P4HA3: variants seen among roughly 807,000 people sequenced by gnomAD.
P4HA3 encodes the protein prolyl 4-hydroxylase subunit alpha-3.
P4HA3 carries 60 observed loss-of-function variants against 66.7 expected under a neutral mutation model. The ratio of observed to expected loss-of-function variants is 0.90; its 90% confidence interval spans 0.73 to 1.12. P4HA3 has a LOEUF of 1.12. Ranked by LOEUF, P4HA3 falls within the 50% of genes most tolerant of loss-of-function variation. The pLI is 0.00. For missense variants in P4HA3, 683 were observed against 685.8 expected (o/e 1.00, Z 0.05); for synonymous variants, 263 against 274.6 (o/e 0.96, Z 0.42).
At chr11:74,262,710 C>G (rs1170008056), downstream of P4HA3, among the ~76,000 whole-genome samples, 2 of 152,180 alleles carry the variant, frequency 1.3e-5, no homozygotes, top group African/African-American at 4.8e-5. Flanking sequence ...TTTCATAGTT[C>G]TACTGAGTAC....
intron 1 of P4HA3, among the ~76,000 whole-genome samples, chr11:74,310,350 G>T (rs529255941): frequency 6.6e-6 from 1 of 152,354 alleles, no homozygotes; most frequent in African/African-American, 2.4e-5. Flanking sequence ...AGAGTTTGTT[G>T]ACTGTACCCC....
Position 74,267,178 on chromosome 11 carries a change from T to C in P4HA3, c.*70A>G, listed in dbSNP as rs751233373. On this transcript the variant is annotated 3_prime_UTR_variant, in exon 13 of 13. Coordinates refer to ENST00000331597, the MANE Select transcript of P4HA3 (RefSeq NM_182904.5). ...GAGGCTGCTCTGCTTTCTCCTCTCC[T>C]ACCCCAGCTTTTGGCTCCTGGCTTC... The C allele has an allele frequency of 1.2e-6, 2 of 1,608,270 alleles. No individual in the cohort carries two copies. Among genetic ancestry groups the C allele is most frequent in the East Asian group, 4.5e-5 (2 of 44,840 alleles).
chr11:74,286,448 G>T (rs1283242092), intron 5 of P4HA3, 57 bp from the exon 6 acceptor site: 2 of 1,451,806 alleles, frequency 1.4e-6, no homozygotes, highest in African/African-American at 2.9e-5. Context: ...CTGGCCCCAG[G>T]GAGTGCCACC....
Position 74,298,192 on chromosome 11 carries a change from A to G in P4HA3, c.717+20T>C. The G allele has an allele frequency of 6.2e-7, 1 of 1,609,542 alleles. No individual in the cohort carries two copies. The highest frequency in any genetic ancestry group is 8.5e-7 in the Non-Finnish European group (1 of 1,177,628). On this transcript the variant is annotated intron_variant, in intron 4 of 12. Transcript: ENST00000331597. ...TTCACTTAGTATAATAAAAGCAGTG[A>G]GCTTCACTTACTCCCTTACCCGGAA...
downstream of P4HA3, among the ~76,000 whole-genome samples, chr11:74,265,882 C>T (rs1184333037): frequency 6.6e-6 from 1 of 152,180 alleles, no homozygotes; most frequent in Non-Finnish European, 1.5e-5. Context: ...AAGCACTTCC[C>T]CTGCAAGGAA....
At chr11:74,302,691 A>C in intron 2 of P4HA3, 99 bp from the exon 3 acceptor site, 1 of 1,126,010 alleles carries the variant, frequency 8.9e-7, no homozygotes, top group East Asian at 2.5e-5. Flanking sequence ...ATTTAATGAC[A>C]TCAAGTTGGA....
At chr11:74,283,977 A>G (rs1207916577) in intron 7 of P4HA3, among the ~76,000 whole-genome samples, 1 of 152,236 alleles carries the variant, frequency 6.6e-6, no homozygotes, top group African/African-American at 2.4e-5. Flanking sequence ...AGTTTCCAAG[A>G]GGAAAGAACC....
intron 10 of P4HA3, among the ~76,000 whole-genome samples, chr11:74,271,548 G>T (rs1860198676): frequency 6.6e-6 from 1 of 151,550 alleles, no homozygotes; most frequent in Non-Finnish European, 1.5e-5. Flanking sequence ...TTTTAATAGA[G>T]ACAGGGTCTC....
At chr11:74,308,288 G>A (rs1159152506) in intron 1 of P4HA3, among the ~76,000 whole-genome samples, 2 of 152,114 alleles carry the variant, frequency 1.3e-5, no homozygotes, top group Non-Finnish European at 2.9e-5. Context: ...CGAGGAGGGA[G>A]GATCACTTCA....
rs372372097 is a variant in P4HA3, at chr11:74,267,237, C to G, written c.*11G>C. On this transcript the variant is annotated 3_prime_UTR_variant, in exon 13 of 13. Transcript: ENST00000331597. Reference sequence around the variant, plus strand: ...GCCACAGGACTCCACCAGCTTCTCTCTGCCAACAGTTCAGTCTTCAGGGCT... The same window carrying G: ...GCCACAGGACTCCACCAGCTTCTCTGTGCCAACAGTTCAGTCTTCAGGGCT... The G allele has an allele frequency of 1.5e-5, 25 of 1,614,064 alleles. No homozygotes were observed. In the African/African-American group the frequency reaches 3.3e-4, roughly 22 times the overall value.
In P4HA3 at chr11:74,286,040, C is replaced by T. The variant is rs1860787539; in HGVS notation, c.934-55G>A. 2.6e-6 allele frequency: 4 copies of T among 1,540,922 alleles called. No homozygotes were observed. The Admixed American group carries it at 7.0e-5, about 27-fold the overall frequency. ...AGAAGAAGGGTCTAGGAGCAAAACT[C>T]AACTTAGGGGAACTATGGCATAAAA... On this transcript the variant is annotated intron_variant, in intron 6 of 12. Coordinates refer to ENST00000331597, the MANE Select transcript of P4HA3 (RefSeq NM_182904.5).
intron 8 of P4HA3, 98 bp downstream of exon 8, chr11:74,279,290 C>A: frequency 8.9e-7 from 1 of 1,118,612 alleles, no homozygotes. Flanking sequence ...GGATTCTCCA[C>A]CTCTGGAGGT....
downstream of P4HA3, among the ~76,000 whole-genome samples, chr11:74,264,417 TC>T (rs1413461124): frequency 6.6e-6 from 1 of 152,184 alleles, no homozygotes; most frequent in Non-Finnish European, 1.5e-5. Context: ...GGGACCCTGC[TC>T]ATCTTCAAGA....
At chr11:74,308,027 T>A (rs577184427) in intron 1 of P4HA3, among the ~76,000 whole-genome samples, 2 of 152,318 alleles carry the variant, frequency 1.3e-5, no homozygotes, top group East Asian at 3.9e-4. Flanking sequence ...CATACTGGCA[T>A]ATAACTATAT....
At chr11:74,271,041 C>T (rs779642968) in intron 10 of P4HA3, among the ~76,000 whole-genome samples, 68 of 152,224 alleles carry the variant, frequency 4.5e-4, no homozygotes, top group Non-Finnish European at 8.4e-4. Context: ...TTTTACCTCA[C>T]GCTGCCTAGC....
At chr11:74,302,284 AAAG>A in intron 3 of P4HA3, 82 bp downstream of exon 3, 3 of 1,245,868 alleles carry the variant, frequency 2.4e-6, no homozygotes, top group Non-Finnish European at 3.3e-6. Context: ...TAAGTATTAA[AAAG>A]AAGTAAAATC....
At chr11:74,284,419 C>T (rs922669707) in intron 7 of P4HA3, among the ~76,000 whole-genome samples, 8 of 152,194 alleles carry the variant, frequency 5.3e-5, no homozygotes, top group African/African-American at 1.9e-4. Flanking sequence ...TCTTTTTCCT[C>T]TTCCATGAGA....
rs577427808 is a variant in P4HA3 at position 74,267,615 on chromosome 11, T to C, written c.1565-297A>G. ...ACTCACCCTTCATTTTAGAAGCCCA[T>C]GTTCCCCATGAAGCCATTCCAGAGT... On this transcript the variant is annotated intron_variant, in intron 12 of 12. Coordinates refer to ENST00000331597, the MANE Select transcript of P4HA3 (RefSeq NM_182904.5). 1.6e-4 allele frequency among the ~76,000 whole-genome samples: 24 copies of C among 152,324 alleles called. No homozygotes were observed. The South Asian group carries it at 5.0e-3, about 32-fold the overall frequency.
At chr11:74,262,828 T>G (rs1859929847), downstream of P4HA3, among the ~76,000 whole-genome samples, 2 of 152,316 alleles carry the variant, frequency 1.3e-5, no homozygotes, top group South Asian at 2.1e-4. Flanking sequence ...AGGAGACTCT[T>G]TCAGTGGTTC....
Sources: allele counts gnomAD v4.1 joint callset (sites outside exome capture counted in the v4.1 genomes callset), GRCh38; gene constraint gnomAD v4.1.1; transcripts MANE v1.5; gene names NCBI Gene and HGNC (gene_info 2026-07-23, HGNC 2026-07-21).